MEIOC: variants seen among roughly 807,000 people sequenced by gnomAD.
MEIOC encodes meiosis-specific coiled-coil domain-containing protein MEIOC.
In MEIOC, 9 loss-of-function variants were observed where a neutral mutation model predicts 85.3. The ratio of observed to expected loss-of-function variants is 0.11; its 90% CI spans 0.06 to 0.18. The LOEUF is 0.18. MEIOC is among the 10% of genes least tolerant of loss of function. MEIOC has a pLI of 1.00. For synonymous variants in MEIOC, 365 were observed against 393.7 expected, an observed-to-expected ratio of 0.93 and a Z score of 0.86; for missense variants, 898 against 1,129.4, an observed-to-expected ratio of 0.80 and a Z score of 2.94.
Position 44,666,744 on chromosome 17 carries a change from A to G in MEIOC, c.833A>G (p.Asp278Gly). Residue 278 changes from aspartate to glycine, a missense_variant, in exon 5 of 8, where the codon GAT becomes GGT. Transcript: ENST00000409122. ...NCFTPQTGLS[D>G]IMKESGVDIY... Reference sequence around the variant, plus strand: ...TTTACACCCCAAACTGGTCTGTCTGATATCATGAAAGAATCAGGAGTTGAT... The same window carrying G: ...TTTACACCCCAAACTGGTCTGTCTGGTATCATGAAAGAATCAGGAGTTGAT... 1 of 1,613,508 alleles carries G rather than the reference A, an allele frequency of 6.2e-7. No homozygotes were observed. The highest frequency in any genetic ancestry group is 2.2e-5 in the East Asian group (1 of 44,866).
chr17:44,658,843 C>G (rs1019190524), intron 2 of MEIOC, among the ~76,000 whole-genome samples: 1 of 150,424 alleles, frequency 6.6e-6, no homozygotes, highest in African/African-American at 2.4e-5. Context: ...TAAGATTTTT[C>G]ATTGATTCGT....
Position 44,667,180 on chromosome 17 carries a change from A to C in MEIOC, c.1269A>C (p.Gly423=). 6.2e-7 allele frequency: 1 copy of C among 1,613,908 alleles called. No homozygotes were observed. The change falls in exon 5 of 8, where the codon GGA becomes GGC. Residue 423 remains glycine, a synonymous_variant. Transcript: ENST00000409122. ...TADFGLTSEY[G]LKPHTACPAN... is the part of the protein sequence containing the mutation. ...ATTTTGGCTTAACATCAGAATATGG[A>C]CTAAAACCTCACACAGCTTGTCCCG...
intron 3 of MEIOC, among the ~76,000 whole-genome samples, chr17:44,663,982 AGT>A (rs1328357512): frequency 6.6e-6 from 1 of 152,234 alleles, no homozygotes; most frequent in African/African-American, 2.4e-5. Context: ...ATTAAATATG[AGT>A]GTTATGCAAA....
rs182269975 is a variant in MEIOC at position 44,656,775 on chromosome 17, G to T, written c.69+93G>T. ...CTGAGGAGGGGGCGCGTCCCTAGAC[G>T]GGGCGGCAGAGGCGGGTCGTCGGTG... On this transcript the variant is annotated intron_variant, in intron 1 of 7. Transcript: ENST00000409122. 1,866 of 977,130 alleles carry T rather than the reference G, an allele frequency of 1.9e-3. 27 individuals carry two copies. The African/African-American group carries it at 0.028, about 15-fold the overall frequency. 60.5% of individuals were successfully genotyped at this position (977,130 alleles called of 1,614,324 possible).
rs1262273483 is a variant in MEIOC, at chr17:44,667,520, C to A, written c.1609C>A (p.Gln537Lys). 3 of 1,613,860 alleles carry A rather than the reference C, an allele frequency of 1.9e-6. No homozygotes were observed. The highest frequency in any genetic ancestry group is 2.5e-6 in the Non-Finnish European group (3 of 1,179,860). ...PNSNLFQKYC[Q>K]ENPSAFSSFD... ...TAGCAATTTATTTCAGAAATATTGCCAAGAAAACCCTTCAGCATTTTCTAG... is the reference window on the plus strand; with the variant it reads ...TAGCAATTTATTTCAGAAATATTGCAAAGAAAACCCTTCAGCATTTTCTAG... Residue 537 changes from glutamine (Q) to lysine (K), a missense_variant, in exon 5 of 8, where the codon CAA becomes AAA. This residue lies in a region of MEIOC where 734 missense variants were observed against 860.1 expected (regional missense o/e 0.85). Coordinates refer to ENST00000409122, the MANE Select transcript of MEIOC (RefSeq NM_001145080.3).
In MEIOC at chr17:44,668,236, AAC is replaced by A; in HGVS notation, c.2322+7_2322+8del. Reference sequence around the variant, plus strand: ...CATTAGAAAAAGAGAGAAAAAAGGTAACACAAAGTTAACCACTTAGGAATAAC... The same window carrying A: ...CATTAGAAAAAGAGAGAAAAAAGGTAACAAAGTTAACCACTTAGGAATAAC... On this transcript the variant is annotated splice_donor_5th_base_variant and intron_variant, in intron 5 of 7. Coordinates refer to ENST00000409122, the MANE Select transcript of MEIOC (RefSeq NM_001145080.3). The A allele has an allele frequency of 3.8e-6, 6 of 1,587,538 alleles. No homozygotes were observed. Among genetic ancestry groups the A allele is most frequent in the Non-Finnish European group, 4.3e-6 (5 of 1,169,956 alleles).
At chr17:44,657,029 G>C in intron 1 of MEIOC, 98 bp from the exon 2 acceptor site, 2 of 1,383,122 alleles carry the variant, frequency 1.4e-6, no homozygotes, top group Non-Finnish European at 1.9e-6. Context: ...GTTCGGAATT[G>C]AGCCGAACAG....
chr17:44,675,806 G>T, downstream of MEIOC: 1 of 907,800 alleles, frequency 1.1e-6, no homozygotes, highest in Non-Finnish European at 1.3e-6. Context: ...AAAACATTTG[G>T]TTTCATTTTT....
chr17:44,674,645 A>G lies in MEIOC; in HGVS notation c.*449A>G, dbSNP rs895601234. The stretch of plus-strand genomic sequence containing the variant: ...AAGACAAGTTTTGATTGTGATATCA[A>G]AGTGTTTTCCTTACAAAACTGGATA... On this transcript the variant is annotated 3_prime_UTR_variant, in exon 8 of 8. Coordinates refer to ENST00000409122, the MANE Select transcript of MEIOC (RefSeq NM_001145080.3). 1.0e-5 allele frequency: 10 copies of G among 987,940 alleles called. No individual in the cohort carries two copies. The African/African-American group carries it at 1.6e-4, about 16-fold the overall frequency. 61.2% of individuals were successfully genotyped at this position (987,940 alleles called of 1,614,324 possible). A position where few individuals can be genotyped will look rare whatever the true frequency, so the allele number is the denominator to read the frequency against.
Position 44,669,429 on chromosome 17 carries a change from G to T in MEIOC, c.2369G>T (p.Ser790Ile). Residue 790 changes from serine (S) to isoleucine (I), a missense_variant, in exon 6 of 8, where the codon AGT (serine) becomes ATT (isoleucine). This residue lies in a region of MEIOC where 164 missense variants were observed against 269.2 expected (regional missense o/e 0.61). Transcript: ENST00000409122. ...AKNYPGKKVS[S>I]TNNTPVPRLT... Reference sequence around the variant, plus strand: ...AATTATCCTGGAAAAAAAGTATCCAGTACTAACAACACTCCAGTTCCAAGG... The same window carrying T: ...AATTATCCTGGAAAAAAAGTATCCATTACTAACAACACTCCAGTTCCAAGG... 6.4e-7 allele frequency: 1 copy of T among 1,571,458 alleles called. No homozygotes were observed. The highest frequency in any genetic ancestry group is 8.6e-7 in the Non-Finnish European group (1 of 1,157,162).
At position 44,666,914 on chromosome 17, in the gene MEIOC, A is replaced by G. The variant is rs773490368; in HGVS notation, c.1003A>G (p.Asn335Asp). The G allele has an allele frequency of 6.8e-6, 11 of 1,609,246 alleles. No homozygotes were observed. The highest frequency in any genetic ancestry group is 8.5e-6 in the Non-Finnish European group (10 of 1,177,276). The change falls in exon 5 of 8, where the codon AAT becomes GAT. Residue 335 changes from asparagine (N) to aspartate (D), a missense_variant. Asn to Asp is a conservative substitution (Grantham distance 23, BLOSUM62 1). Around this residue, in one of 2 missense-constraint regions of MEIOC, gnomAD observed 734 missense variants for 860.1 expected, o/e 0.85. Coordinates refer to ENST00000409122, the MANE Select transcript of MEIOC (RefSeq NM_001145080.3). ...TAGATACCCAGAGTATGTTCATCCT[A>G]ATAAGGCTAAGCTTAATAAATGTTC... ...YCRYPEYVHP[N>D]KAKLNKCSNF...
intron 7 of MEIOC, 43 bp downstream of exon 7, chr17:44,673,589 A>C: frequency 7.1e-7 from 1 of 1,414,438 alleles, no homozygotes; most frequent in Non-Finnish European, 9.5e-7. Context: ...TCAGTGTGAT[A>C]ATTTAGGTAT....
At chr17:44,661,847 A>G (rs911177628) in intron 2 of MEIOC, among the ~76,000 whole-genome samples, 1 of 152,118 alleles carries the variant, frequency 6.6e-6, no homozygotes, top group Non-Finnish European at 1.5e-5. Flanking sequence ...CCTGGCCCCA[A>G]GACTGAATTT....
chr17:44,656,702 A>G lies in MEIOC; in HGVS notation c.69+20A>G, dbSNP rs1279472005. ...CTTGAGGTAATGGATGAGGAAGGGCAGGGTCCAGGGGGCGGCCAGACTTGC... is the reference window on the plus strand; with the variant it reads ...CTTGAGGTAATGGATGAGGAAGGGCGGGGTCCAGGGGGCGGCCAGACTTGC... On this transcript the variant is annotated intron_variant, in intron 1 of 7. Coordinates refer to ENST00000409122, the MANE Select transcript of MEIOC (RefSeq NM_001145080.3). The G allele has an allele frequency of 6.7e-7, 1 of 1,483,650 alleles. No homozygotes were observed. The highest frequency in any genetic ancestry group is 1.3e-5 in the South Asian group (1 of 77,110). 91.9% of individuals were successfully genotyped at this position (1,483,650 alleles called of 1,614,324 possible). A position where few individuals can be genotyped will look rare whatever the true frequency, so the allele number is the denominator to read the frequency against.
chr17:44,669,298 A>G, intron 5 of MEIOC, 85 bp from the exon 6 acceptor site: 1 of 1,115,424 alleles, frequency 9.0e-7, no homozygotes, highest in Admixed American at 2.6e-5. Flanking sequence ...GTAATACTCT[A>G]TTTATTAGGC....
rs758879146 is a variant in MEIOC, at chr17:44,667,279, A to G, written c.1368A>G (p.Lys456=). 7 of 1,613,784 alleles carry G rather than the reference A, an allele frequency of 4.3e-6. No homozygotes were observed. The highest frequency in any genetic ancestry group is 5.9e-6 in the Non-Finnish European group (7 of 1,179,830). Residue 456 remains lysine (K), a synonymous_variant, in exon 5 of 8, where the codon AAA becomes AAG. Coordinates refer to ENST00000409122, the MANE Select transcript of MEIOC (RefSeq NM_001145080.3). The stretch of plus-strand genomic sequence containing the variant: ...ATCCCCCACATTCTGAGTATTTTAA[A>G]TCAGTGAATTTATTATCAAACTCAG... ...KPDPPHSEYF[K]SVNLLSNSAT...
At chr17:44,657,804 C>CG (rs1226664594) in intron 2 of MEIOC, among the ~76,000 whole-genome samples, 1 of 151,982 alleles carries the variant, frequency 6.6e-6, no homozygotes, top group Non-Finnish European at 1.5e-5. Context: ...CCGCGCACCT[C>CG]GGCCTCCCAA....
chr17:44,664,466 A>T (rs1246170816), intron 3 of MEIOC, among the ~76,000 whole-genome samples: 1 of 152,128 alleles, frequency 6.6e-6, no homozygotes, highest in Non-Finnish European at 1.5e-5. Context: ...AAAATCCAAA[A>T]CTTTTTGAGT....
At chr17:44,663,221 G>GA (rs1160389503) in intron 3 of MEIOC, among the ~76,000 whole-genome samples, 2 of 151,898 alleles carry the variant, frequency 1.3e-5, no homozygotes, top group African/African-American at 4.8e-5. Flanking sequence ...TTCTATGGGG[G>GA]ATACCAGAAT....
Sources: allele counts gnomAD v4.1 joint callset (sites outside exome capture counted in the v4.1 genomes callset), GRCh38; gene constraint gnomAD v4.1.1; regional missense constraint gnomAD v4.1.1; transcripts MANE v1.5; gene names NCBI Gene and HGNC (gene_info 2026-07-23, HGNC 2026-07-21).